RBFOX1: variants seen among roughly 807,000 people sequenced by gnomAD.
The protein encoded by RBFOX1 is RNA binding protein fox-1 homolog 1.
A neutral mutation model predicts 57.7 loss-of-function variants in RBFOX1; 8 were observed. That is an observed-to-expected ratio of 0.14 (90% CI 0.08 to 0.25). The LOEUF is 0.25. Ranked by LOEUF, RBFOX1 falls within the 10% of genes least tolerant of loss-of-function variation. The probability of loss-of-function intolerance (pLI) is 1.00; values close to 1 mark genes in which losing one functional copy is unlikely to be tolerated. For synonymous variants in RBFOX1, 326 were observed against 222.4 expected (o/e 1.47, Z -4.15); for missense variants, 611 against 548.5 (o/e 1.11, Z -1.14).
intron 2 of RBFOX1, among the ~76,000 whole-genome samples, chr16:6,428,530 C>G (rs2093992630): frequency 1.3e-5 from 2 of 152,024 alleles, no homozygotes; most frequent in African/African-American, 4.8e-5. Context: ...CCTTGATTTT[C>G]TCATCTGTAA....
chr16:5,266,388 C>G (rs1429893810), intron 1 of RBFOX1, among the ~76,000 whole-genome samples: 1 of 152,076 alleles, frequency 6.6e-6, no homozygotes, highest in Non-Finnish European at 1.5e-5. Context: ...TAGCCCCCAT[C>G]TGAGAACTGC....
intron 3 of RBFOX1, among the ~76,000 whole-genome samples, chr16:7,011,001 G>A (rs944165567): frequency 2.0e-5 from 3 of 151,774 alleles, no homozygotes. Context: ...GTTATATTTT[G>A]TTTGTTGTTT....
chr16:5,267,474 T>C (rs1366979372), intron 1 of RBFOX1, among the ~76,000 whole-genome samples: 1 of 152,032 alleles, frequency 6.6e-6, no homozygotes, highest in East Asian at 1.9e-4. Context: ...ATTTTTGTAT[T>C]TTTAGTAGAG....
intron 6 of RBFOX1, among the ~76,000 whole-genome samples, chr16:7,584,829 A>G (rs1251568446): frequency 3.3e-5 from 5 of 152,208 alleles, no homozygotes; most frequent in African/African-American, 1.2e-4. Context: ...TTACATCAGC[A>G]TTCTTCTTTG....
intron 3 of RBFOX1, among the ~76,000 whole-genome samples, chr16:5,851,198 A>G (rs1367193306): frequency 6.6e-6 from 1 of 152,180 alleles, no homozygotes; most frequent in Non-Finnish European, 1.5e-5. Context: ...AGTTATTATC[A>G]TGGTTGTACC....
At chr16:5,747,448 C>T (rs186354198) in intron 3 of RBFOX1, among the ~76,000 whole-genome samples, 21 of 152,232 alleles carry the variant, frequency 1.4e-4, no homozygotes, top group African/African-American at 3.1e-4. Flanking sequence ...GGACTAGTTT[C>T]GGAAGGAATG....
chr16:5,392,382 A>G (rs1360225299), intron 1 of RBFOX1, among the ~76,000 whole-genome samples: 1 of 152,194 alleles, frequency 6.6e-6, no homozygotes, highest in Non-Finnish European at 1.5e-5. Context: ...CAAAGGCCGT[A>G]CTTCCAAATA....
chr16:5,334,322 C>A (rs1771333639), intron 1 of RBFOX1, among the ~76,000 whole-genome samples: 1 of 152,116 alleles, frequency 6.6e-6, no homozygotes, highest in South Asian at 2.1e-4. Context: ...CGATGTTAGC[C>A]ATTAGGCTGA....
At chr16:7,337,226 C>G (rs1351525309) in intron 4 of RBFOX1, among the ~76,000 whole-genome samples, 1 of 152,078 alleles carries the variant, frequency 6.6e-6, no homozygotes, top group African/African-American at 2.4e-5. Context: ...GGTCTTTTAT[C>G]CACCAAGCTA....
intron 3 of RBFOX1, among the ~76,000 whole-genome samples, chr16:6,941,300 C>CCTTCCTTCCTTCCTTCCTTCCT (rs1567990534): frequency 5.0e-5 from 4 of 79,216 alleles, no homozygotes; most frequent in African/African-American, 1.7e-4. Context: ...CCCTCCCTCC[C>CCTTCCTTCCTTCCTTCCTTCCT]TCCTTCCTTC....
chr16:7,524,895 T>G (rs903226581), intron 5 of RBFOX1, among the ~76,000 whole-genome samples: 1 of 152,228 alleles, frequency 6.6e-6, no homozygotes, highest in African/African-American at 2.4e-5. Context: ...GGGCATTCCT[T>G]TTGACTAACT....
intron 4 of RBFOX1, among the ~76,000 whole-genome samples, chr16:7,508,083 T>C (rs1001380381): frequency 6.6e-6 from 1 of 151,724 alleles, no homozygotes; most frequent in South Asian, 2.1e-4. Context: ...ACCTCCCGGG[T>C]TCAAGCGATT....
intron 1 of RBFOX1, among the ~76,000 whole-genome samples, chr16:6,253,421 C>T (rs748268136): frequency 1.3e-5 from 2 of 152,140 alleles, no homozygotes; most frequent in Non-Finnish European, 2.9e-5. Context: ...TAGGTAGGCA[C>T]CATTATCCTG....
intron 4 of RBFOX1, among the ~76,000 whole-genome samples, chr16:7,383,108 C>T (rs1224644328): frequency 6.6e-6 from 1 of 152,004 alleles, no homozygotes; most frequent in African/African-American, 2.4e-5. Flanking sequence ...CTGATTCTAG[C>T]AGGTGTTCAT....
chr16:5,831,985 T>C (rs1381606525), intron 3 of RBFOX1, among the ~76,000 whole-genome samples: 1 of 152,190 alleles, frequency 6.6e-6, no homozygotes, highest in Non-Finnish European at 1.5e-5. Context: ...ATGGGGCAGA[T>C]GTTAGCACTT....
At chr16:6,400,375 A>C (rs2093019448) in intron 2 of RBFOX1, among the ~76,000 whole-genome samples, 1 of 152,198 alleles carries the variant, frequency 6.6e-6, no homozygotes, top group Admixed American at 6.5e-5. Flanking sequence ...AGATATCACA[A>C]GAGAAATTAG....
At chr16:6,748,042 C>A (rs1027547016) in intron 3 of RBFOX1, among the ~76,000 whole-genome samples, 1 of 152,086 alleles carries the variant, frequency 6.6e-6, no homozygotes, top group Non-Finnish European at 1.5e-5. Context: ...GTAGTGACAC[C>A]GTTATTTATT....
chr16:6,673,251 G>T (rs1456283301), intron 3 of RBFOX1, among the ~76,000 whole-genome samples: 2 of 151,960 alleles, frequency 1.3e-5, no homozygotes, highest in Non-Finnish European at 2.9e-5. Context: ...GATCCCAAAG[G>T]TCCCTCATAT....
At chr16:7,010,686 A>G (rs2093613208) in intron 3 of RBFOX1, among the ~76,000 whole-genome samples, 1 of 151,876 alleles carries the variant, frequency 6.6e-6, no homozygotes, top group Non-Finnish European at 1.5e-5. Flanking sequence ...GCCTCAGCCT[A>G]CCAAGTAGCT....
Sources: allele counts gnomAD v4.1 joint callset (sites outside exome capture counted in the v4.1 genomes callset), GRCh38; gene constraint gnomAD v4.1.1; transcripts MANE v1.5; gene names NCBI Gene and HGNC (gene_info 2026-07-23, HGNC 2026-07-21).